Variants in CNTNAP2 observed in about 807,000 individuals in gnomAD.
CNTNAP2 encodes the protein contactin-associated protein-like 2.
Under a neutral mutation model 155.2 loss-of-function variants are expected in CNTNAP2, and 98 were observed. That is an observed-to-expected ratio of 0.63 (90% CI 0.54 to 0.75). CNTNAP2 has a LOEUF of 0.75. Among genes scored for constraint, CNTNAP2 ranks in the 30% least tolerant of loss-of-function variants. The probability of loss-of-function intolerance (pLI) is 0.00; values close to 1 mark genes in which losing one functional copy is unlikely to be tolerated. For synonymous variants in CNTNAP2, 651 were observed against 631.2 expected (o/e 1.03, Z -0.47); for missense variants, 1,727 against 1,688.1 (o/e 1.02, Z -0.40).
At chr7:146,422,691 G>A (rs1337432706) in intron 1 of CNTNAP2, among the ~76,000 whole-genome samples, 1 of 151,904 alleles carries the variant, frequency 6.6e-6, no homozygotes, top group Non-Finnish European at 1.5e-5. Context: ...TTTCTACATT[G>A]CCCAGGCTGG....
intron 9 of CNTNAP2, among the ~76,000 whole-genome samples, chr7:147,346,160 T>A (rs1468857091): frequency 6.9e-6 from 1 of 144,410 alleles, no homozygotes; most frequent in Non-Finnish European, 1.5e-5. Flanking sequence ...TTTATTTTTT[T>A]TTTTTGAGAC....
At chr7:146,665,467 T>C (rs371755669) in intron 1 of CNTNAP2, among the ~76,000 whole-genome samples, 1 of 147,118 alleles carries the variant, frequency 6.8e-6, no homozygotes, top group Non-Finnish European at 1.5e-5. Context: ...GTTTTGTTTG[T>C]TTTTCATGTT....
At chr7:146,119,867 CAT>C (rs1423899647) in intron 1 of CNTNAP2, among the ~76,000 whole-genome samples, 1 of 151,870 alleles carries the variant, frequency 6.6e-6, no homozygotes, top group African/African-American at 2.4e-5. Context: ...TATACACACA[CAT>C]GAATATATAT....
At chr7:148,213,902 G>C (rs113300000) in intron 18 of CNTNAP2, among the ~76,000 whole-genome samples, 52 of 152,196 alleles carry the variant, frequency 3.4e-4, no homozygotes, top group African/African-American at 1.2e-3. Flanking sequence ...GGGAGCCTCG[G>C]GGGTCTCAAG....
chr7:147,595,553 T>A (rs1330773526), intron 12 of CNTNAP2, among the ~76,000 whole-genome samples: 2 of 152,220 alleles, frequency 1.3e-5, no homozygotes, highest in African/African-American at 4.8e-5. Flanking sequence ...TCATCTCATT[T>A]GAAATAATGT....
At chr7:146,527,000 C>A (rs1464757455) in intron 1 of CNTNAP2, among the ~76,000 whole-genome samples, 1 of 151,866 alleles carries the variant, frequency 6.6e-6, no homozygotes, top group Non-Finnish European at 1.5e-5. Flanking sequence ...TCAGTTCTCC[C>A]GCCTCGGCCT....
At chr7:148,061,105 T>A (rs968524486) in intron 15 of CNTNAP2, among the ~76,000 whole-genome samples, 1 of 152,186 alleles carries the variant, frequency 6.6e-6, no homozygotes, top group South Asian at 2.1e-4. Flanking sequence ...TAAGAAGTAT[T>A]GATCAAAGAC....
intron 16 of CNTNAP2, among the ~76,000 whole-genome samples, chr7:148,128,261 A>G (rs1402946135): frequency 6.6e-6 from 1 of 152,218 alleles, no homozygotes; most frequent in Non-Finnish European, 1.5e-5. Flanking sequence ...TGCAAGTCTA[A>G]TTATGGTTTC....
At chr7:147,309,877 CA>C (rs1021395925) in intron 9 of CNTNAP2, among the ~76,000 whole-genome samples, 1 of 151,694 alleles carries the variant, frequency 6.6e-6, no homozygotes, top group Non-Finnish European at 1.5e-5. Context: ...GCTTTTAATA[CA>C]AAAAAATTTT....
intron 15 of CNTNAP2, among the ~76,000 whole-genome samples, chr7:148,112,445 T>A (rs888075353): frequency 6.6e-6 from 1 of 151,298 alleles, no homozygotes; most frequent in Non-Finnish European, 1.5e-5. Flanking sequence ...ATTATTATTA[T>A]AGTGTCTTAC....
chr7:146,851,129 C>A, intron 3 of CNTNAP2, among the ~76,000 whole-genome samples: 1 of 152,096 alleles, frequency 6.6e-6, no homozygotes, highest in Admixed American at 6.5e-5. Flanking sequence ...GGATTACAGG[C>A]ACCTGCCACC....
At chr7:147,441,813 T>TCTCTCTCTCTCTCTC (rs1797639871) in intron 10 of CNTNAP2, among the ~76,000 whole-genome samples, 1 of 102,114 alleles carries the variant, frequency 9.8e-6, no homozygotes, top group Non-Finnish European at 1.8e-5. Context: ...TGTAGTCTCT[T>TCTCTCTCTCTCTCTC]TCTCTCTCTC....
intron 8 of CNTNAP2, among the ~76,000 whole-genome samples, chr7:147,174,821 T>C (rs903900): frequency 0.41 from 62,759 of 152,014 alleles, 13,822 homozygotes; most frequent in East Asian, 0.64. Context: ...ACACTATATA[T>C]GCTGTAAACC....
intron 11 of CNTNAP2, among the ~76,000 whole-genome samples, chr7:147,494,352 C>G (rs528075356): frequency 3.5e-4 from 53 of 151,934 alleles, no homozygotes; most frequent in African/African-American, 1.3e-3. Context: ...TTGAATTAAT[C>G]CCTTCTTGCT....
chr7:146,592,784 A>C (rs1798802416), intron 1 of CNTNAP2, among the ~76,000 whole-genome samples: 1 of 152,142 alleles, frequency 6.6e-6, no homozygotes, highest in African/African-American at 2.4e-5. Context: ...AGTGAGGAGA[A>C]GAGACCCACA....
intron 1 of CNTNAP2, among the ~76,000 whole-genome samples, chr7:146,425,068 A>G (rs1796069055): frequency 6.6e-6 from 1 of 152,230 alleles, no homozygotes; most frequent in Admixed American, 6.5e-5. Context: ...CCACCATGAC[A>G]TCCGTAAACA....
In CNTNAP2 at chr7:148,326,593, A is replaced by G. The variant is rs566970710; in HGVS notation, c.3476-57056A>G. ...AATAAATAGAGCAAATGGGCCGGGC[A>G]TGGTGGCTCACGCCTGTAATCCCAG... On this transcript the variant is annotated intron_variant, in intron 21 of 23. Coordinates refer to ENST00000361727, the MANE Select transcript of CNTNAP2 (RefSeq NM_014141.6). Among the ~76,000 whole-genome samples the G allele has an allele frequency of 7.2e-5, 11 of 152,258 alleles. No homozygotes were observed. In the East Asian group the frequency reaches 7.7e-4, roughly 11 times the overall value.
At chr7:147,437,361 C>T (rs1478425150) in intron 10 of CNTNAP2, among the ~76,000 whole-genome samples, 1 of 152,112 alleles carries the variant, frequency 6.6e-6, no homozygotes. Context: ...TGTCCTTTAA[C>T]CATATGGGCC....
intron 3 of CNTNAP2, among the ~76,000 whole-genome samples, chr7:147,032,811 A>AAG (rs148779707): frequency 0.061 from 9,332 of 152,044 alleles, 764 homozygotes; most frequent in African/African-American, 0.19. Flanking sequence ...CCAGTGACTT[A>AAG]GACTGGAGAT....
Sources: gnomAD v4.1 joint callset for allele counts (sites outside exome capture counted in the v4.1 genomes callset) on GRCh38, gnomAD v4.1.1 for gene constraint, MANE v1.5 for transcripts, NCBI Gene and HGNC (gene_info 2026-07-23, HGNC 2026-07-21) for gene names.